The following THSD7A variants were observed in gnomAD, a reference collection of about 807,000 sequenced individuals.
The protein encoded by THSD7A is thrombospondin type 1 domain containing 7A, also known as thrombospondin type-1 domain-containing protein 7A.
A neutral mutation model predicts 231.3 loss-of-function variants in THSD7A; 96 were observed. The ratio of observed to expected loss-of-function variants is 0.41; its 90% CI spans 0.35 to 0.49. THSD7A has a LOEUF of 0.49. Ranked by LOEUF, THSD7A falls within the 20% of genes least tolerant of loss-of-function variation. The pLI is 0.05. For synonymous variants in THSD7A, 940 were observed against 743.3 expected, an observed-to-expected ratio of 1.26 and a Z score of -4.30; for missense variants, 2,290 against 2,070.2, an observed-to-expected ratio of 1.11 and a Z score of -2.06.
intron 4 of THSD7A, among the ~76,000 whole-genome samples, chr7:11,552,634 T>C (rs1163517851): frequency 6.6e-6 from 1 of 152,114 alleles, no homozygotes; most frequent in Non-Finnish European, 1.5e-5. Context: ...ATCATTTTCC[T>C]TTTTAACAAA....
chr7:11,636,380 C>G lies in THSD7A; in HGVS notation c.772G>C (p.Gly258Arg). The G allele has an allele frequency of 6.2e-7, 1 of 1,613,790 alleles. No homozygotes were observed. Among genetic ancestry groups the G allele is most frequent in the South Asian group, 1.1e-5 (1 of 91,088 alleles). The change falls in exon 2 of 28, where the codon GGG becomes CGG. Residue 258 changes from glycine to arginine, a missense_variant. Transcript: ENST00000423059. The surrounding 1 kb of genome is among the most constrained non-coding windows in gnomAD (Gnocchi z 10.0). ...AEELRYSLHVGPWSTCSMPHS... is the reference protein window; with the variant it reads ...AEELRYSLHVRPWSTCSMPHS... ...GGCATTGAGCAGGTGCTCCAGGGCC[C>G]CACATGCAGGCTGTACCTGAGCTCC...
chr7:11,784,404 T>C (rs902197672), intron 1 of THSD7A, among the ~76,000 whole-genome samples: 17 of 151,864 alleles, frequency 1.1e-4, no homozygotes, highest in Non-Finnish European at 2.2e-4. Context: ...CCATCTGAAA[T>C]CCCAATTAGA....
intron 13 of THSD7A, among the ~76,000 whole-genome samples, chr7:11,436,679 G>GT (rs55972329): frequency 0.039 from 5,605 of 145,434 alleles, 164 homozygotes; most frequent in Non-Finnish European, 0.059. Flanking sequence ...TTTAAAGTAG[G>GT]TTTTTTTTTT....
At chr7:11,665,137 T>G (rs1209778344) in intron 1 of THSD7A, among the ~76,000 whole-genome samples, 1 of 152,026 alleles carries the variant, frequency 6.6e-6, no homozygotes, top group East Asian at 1.9e-4. Context: ...AAGAAAAAAA[T>G]TATCGGTTCT....
intron 4 of THSD7A, among the ~76,000 whole-genome samples, chr7:11,557,576 A>G (rs1441070623): frequency 6.6e-6 from 1 of 152,018 alleles, no homozygotes; most frequent in African/African-American, 2.4e-5. Flanking sequence ...ATCTTTTAAA[A>G]TCCTTTTCTT....
rs1322376743 is a variant in THSD7A at position 11,832,029 on chromosome 7, G to A, written c.-83C>T. 2 of 960,366 alleles carry A rather than the reference G, an allele frequency of 2.1e-6. No homozygotes were observed. The highest frequency in any genetic ancestry group is 4.5e-5 in the Admixed American group (1 of 22,218). 59.5% of individuals were successfully genotyped at this position (960,366 alleles called of 1,614,324 possible). A position where few individuals can be genotyped will look rare whatever the true frequency, so the allele number is the denominator to read the frequency against. On this transcript the variant is annotated 5_prime_UTR_variant, in exon 1 of 28. Transcript: ENST00000423059. ...TCCGCTCTTGGAACGTCTTTTCAAAGAGTACAGAAAGCAAAGCTCTTTCCT... is the reference window on the plus strand; with the variant it reads ...TCCGCTCTTGGAACGTCTTTTCAAAAAGTACAGAAAGCAAAGCTCTTTCCT...
intron 1 of THSD7A, among the ~76,000 whole-genome samples, chr7:11,734,762 C>G (rs1781850599): frequency 6.6e-6 from 1 of 151,880 alleles, no homozygotes; most frequent in South Asian, 2.1e-4. Flanking sequence ...CTTTTCATTT[C>G]ATACAAGGCA....
chr7:11,672,802 C>T (rs537212062), intron 1 of THSD7A, among the ~76,000 whole-genome samples: 1 of 152,198 alleles, frequency 6.6e-6, no homozygotes, highest in East Asian at 1.9e-4. Flanking sequence ...ATTCATCAAT[C>T]TTTTTTTCAA....
intron 2 of THSD7A, among the ~76,000 whole-genome samples, chr7:11,618,369 T>C (rs1781180454): frequency 1.3e-5 from 2 of 152,216 alleles, no homozygotes; most frequent in African/African-American, 4.8e-5. Context: ...ATAGAAATCA[T>C]TTTCTAAAAA....
intron 17 of THSD7A, among the ~76,000 whole-genome samples, chr7:11,416,153 A>C (rs141043950): frequency 1.4e-4 from 22 of 152,332 alleles, no homozygotes; most frequent in African/African-American, 5.1e-4. Context: ...ACTCTCAGAA[A>C]CACAAAAGAT....
At chr7:11,761,603 T>C (rs1782863055) in intron 1 of THSD7A, among the ~76,000 whole-genome samples, 1 of 152,136 alleles carries the variant, frequency 6.6e-6, no homozygotes, top group Non-Finnish European at 1.5e-5. Flanking sequence ...TGAATGACAG[T>C]TTGTAGTACT....
chr7:11,768,397 C>T (rs1223005927), intron 1 of THSD7A, among the ~76,000 whole-genome samples: 3 of 152,116 alleles, frequency 2.0e-5, no homozygotes, highest in Non-Finnish European at 4.4e-5. Context: ...ATATATATAA[C>T]AATTGGCATG....
chr7:11,529,792 A>G (rs904584641), intron 6 of THSD7A, among the ~76,000 whole-genome samples: 2 of 152,238 alleles, frequency 1.3e-5, no homozygotes, highest in Non-Finnish European at 2.9e-5. Context: ...ACACTAATAC[A>G]GTAAGCAATA....
At chr7:11,552,562 G>T (rs1789675716) in intron 4 of THSD7A, among the ~76,000 whole-genome samples, 1 of 151,846 alleles carries the variant, frequency 6.6e-6, no homozygotes, top group Non-Finnish European at 1.5e-5. Context: ...AATTACTTAG[G>T]CAGATAGTGA....
chr7:11,797,492 C>A (rs1312366251), intron 1 of THSD7A, among the ~76,000 whole-genome samples: 1 of 146,200 alleles, frequency 6.8e-6, no homozygotes, highest in Non-Finnish European at 1.5e-5. Context: ...TCTTGGCTCA[C>A]TGTAGCCTTG....
chr7:11,821,120 G>C (rs1003945137), intron 1 of THSD7A: 1 of 1,052,446 alleles, frequency 9.5e-7, no homozygotes. Context: ...GCTGCCTCTT[G>C]CTCAGTTCCT....
chr7:11,437,913 C>T (rs1784684950), intron 13 of THSD7A, among the ~76,000 whole-genome samples: 1 of 151,902 alleles, frequency 6.6e-6, no homozygotes, highest in Admixed American at 6.6e-5. Flanking sequence ...TCAGTTTTAT[C>T]TTGAGTTCCA....
intron 2 of THSD7A, among the ~76,000 whole-genome samples, chr7:11,602,371 G>A (rs78840573): frequency 0.01 from 1,571 of 152,030 alleles, 10 homozygotes; most frequent in Non-Finnish European, 0.015. Context: ...TTCAACAAAT[G>A]TGTATTAAGT....
chr7:11,601,613 G>C (rs1033324271), intron 2 of THSD7A, among the ~76,000 whole-genome samples: 1 of 152,150 alleles, frequency 6.6e-6, no homozygotes, highest in Non-Finnish European at 1.5e-5. Flanking sequence ...TCTGAACTGT[G>C]CTGCATGGAC....
Sources: gnomAD v4.1 joint callset for allele counts (sites outside exome capture counted in the v4.1 genomes callset) on GRCh38, gnomAD v4.1.1 for gene constraint, Gnocchi (gnomAD v3.1) non-coding constraint, MANE v1.5 for transcripts, NCBI Gene and HGNC (gene_info 2026-07-23, HGNC 2026-07-21) for gene names.